UNC5D: variants seen among roughly 807,000 people sequenced by gnomAD.
UNC5D encodes the protein unc-5 netrin receptor D, also known as netrin receptor UNC5D.
A neutral mutation model predicts 105.4 loss-of-function variants in UNC5D; 39 were observed. The ratio of observed to expected loss-of-function variants is 0.37; its 90% confidence interval spans 0.29 to 0.48. The LOEUF (loss-of-function observed/expected upper bound fraction) is 0.48, where lower values mean the gene tolerates loss of function less well. Among genes scored for constraint, UNC5D ranks in the 20% least tolerant of loss-of-function variants. The pLI is 0.98. For synonymous variants in UNC5D, 452 were observed against 450.4 expected, an observed-to-expected ratio of 1.00 and a Z score of -0.04; for missense variants, 991 against 1,202.4, an observed-to-expected ratio of 0.82 and a Z score of 2.60.
intron 9 of UNC5D, among the ~76,000 whole-genome samples, chr8:35,723,591 A>G (rs1379270026): frequency 6.6e-6 from 1 of 151,856 alleles, no homozygotes; most frequent in Non-Finnish European, 1.5e-5. Flanking sequence ...TTTTTTATAG[A>G]GACAGGGTCT....
chr8:35,311,493 C>G (rs1212112442), intron 1 of UNC5D, among the ~76,000 whole-genome samples: 1 of 151,932 alleles, frequency 6.6e-6, no homozygotes, highest in African/African-American at 2.4e-5. Context: ...CAATAATAAC[C>G]TCATCTTCCT....
intron 1 of UNC5D, among the ~76,000 whole-genome samples, chr8:35,249,601 T>TAAA (rs869052810): frequency 7.9e-6 from 1 of 126,886 alleles, no homozygotes; most frequent in African/African-American, 2.9e-5. Flanking sequence ...ATAATAATAA[T>TAAA]AAAATAAATA....
intron 1 of UNC5D, among the ~76,000 whole-genome samples, chr8:35,327,830 T>A (rs1474800168): frequency 6.6e-6 from 1 of 152,212 alleles, no homozygotes; most frequent in Non-Finnish European, 1.5e-5. Flanking sequence ...CAAGAGTCAT[T>A]TATCAGAAGC....
intron 4 of UNC5D, among the ~76,000 whole-genome samples, chr8:35,675,141 G>A (rs1825123617): frequency 6.6e-6 from 1 of 152,136 alleles, no homozygotes; most frequent in Admixed American, 6.5e-5. Context: ...TGAAATATTA[G>A]TGGCTCCCAG....
chr8:35,677,892 G>C (rs200707082), intron 4 of UNC5D, among the ~76,000 whole-genome samples: 5 of 46,210 alleles, frequency 1.1e-4, no homozygotes, highest in Admixed American at 7.6e-4. Flanking sequence ...GTGAGTGTCT[G>C]TGTGTGTGTG....
intron 1 of UNC5D, among the ~76,000 whole-genome samples, chr8:35,538,397 ATATATATATATATATAT>A (rs1417682052): frequency 0.092 from 4,338 of 47,000 alleles, 181 homozygotes; most frequent in East Asian, 0.23. Context: ...AAAAATAATT[ATATATATATATATATAT>A]ATATATATAT....
chr8:35,593,563 C>G (rs1370143984), intron 3 of UNC5D, among the ~76,000 whole-genome samples: 2 of 152,004 alleles, frequency 1.3e-5, no homozygotes, highest in East Asian at 3.9e-4. Flanking sequence ...GACTGGGCAA[C>G]AAAGCAAGAA....
chr8:35,405,682 T>C (rs568450618), intron 1 of UNC5D, among the ~76,000 whole-genome samples: 2 of 152,322 alleles, frequency 1.3e-5, no homozygotes, highest in South Asian at 4.1e-4. Context: ...TGACATTCTC[T>C]ATTCACAACT....
At chr8:35,511,773 GT>G (rs1812726209) in intron 1 of UNC5D, among the ~76,000 whole-genome samples, 2 of 151,908 alleles carry the variant, frequency 1.3e-5, no homozygotes, top group African/African-American at 4.8e-5. Flanking sequence ...TTTTAAGAAA[GT>G]TTATGAATTT....
chr8:35,539,918 G>T (rs367623744), intron 1 of UNC5D, among the ~76,000 whole-genome samples: 1 of 152,138 alleles, frequency 6.6e-6, no homozygotes, highest in African/African-American at 2.4e-5. Flanking sequence ...GTATTAGTGT[G>T]CAGAACATAA....
At chr8:35,448,919 T>C (rs1807969196) in intron 1 of UNC5D, among the ~76,000 whole-genome samples, 2 of 151,868 alleles carry the variant, frequency 1.3e-5, no homozygotes, top group South Asian at 2.1e-4. Flanking sequence ...GTTCCATCCA[T>C]GTTGCTGCAA....
At chr8:35,489,233 C>A (rs182811213) in intron 1 of UNC5D, among the ~76,000 whole-genome samples, 1 of 152,068 alleles carries the variant, frequency 6.6e-6, no homozygotes. Context: ...GTCTTGAACC[C>A]CTGACCTCAG....
chr8:35,464,423 TATC>T (rs1809147122), intron 1 of UNC5D, among the ~76,000 whole-genome samples: 1 of 152,174 alleles, frequency 6.6e-6, no homozygotes, highest in African/African-American at 2.4e-5. Flanking sequence ...TATGTGGTAT[TATC>T]ATCACCTGGA....
At chr8:35,288,262 A>G (rs1456976505) in intron 1 of UNC5D, among the ~76,000 whole-genome samples, 2 of 152,196 alleles carry the variant, frequency 1.3e-5, no homozygotes, top group African/African-American at 2.4e-5. Context: ...TTATTTCTCA[A>G]CAGAAATCCC....
intron 8 of UNC5D, among the ~76,000 whole-genome samples, chr8:35,713,044 AT>A (rs142422954): frequency 4.5e-4 from 67 of 149,744 alleles, no homozygotes; most frequent in African/African-American, 8.1e-4. Context: ...CAACATTTGT[AT>A]TTTTTTTTTA....
At chr8:35,574,903 T>C (rs2130814696) in intron 3 of UNC5D, among the ~76,000 whole-genome samples, 1 of 152,240 alleles carries the variant, frequency 6.6e-6, no homozygotes, top group South Asian at 2.1e-4. Flanking sequence ...ACATATTCTG[T>C]GGCCCATCTC....
chr8:35,544,672 G>A (rs1455189060), intron 1 of UNC5D: 20 of 1,148,070 alleles, frequency 1.7e-5, no homozygotes, highest in South Asian at 8.5e-5. Flanking sequence ...GTGTGATCAC[G>A]GCTCACGGCA....
intron 1 of UNC5D, among the ~76,000 whole-genome samples, chr8:35,263,858 T>G (rs1804653420): frequency 6.6e-6 from 1 of 152,240 alleles, no homozygotes; most frequent in Admixed American, 6.5e-5. Flanking sequence ...CACTTTCATT[T>G]GACAAGTGAG....
intron 4 of UNC5D, among the ~76,000 whole-genome samples, chr8:35,628,286 A>C (rs1410677882): frequency 6.6e-6 from 1 of 152,076 alleles, no homozygotes; most frequent in Non-Finnish European, 1.5e-5. Context: ...GGCACCTGCC[A>C]CCACACCCAG....
Sources: gnomAD v4.1 joint callset for allele counts (sites outside exome capture counted in the v4.1 genomes callset) on GRCh38, gnomAD v4.1.1 for gene constraint, MANE v1.5 for transcripts, NCBI Gene and HGNC (gene_info 2026-07-23, HGNC 2026-07-21) for gene names.